DIP2C: variants seen among roughly 807,000 people sequenced by gnomAD.
DIP2C encodes DIP2 acetate--CoA ligase C (putative), also known as disco-interacting protein 2 homolog C.
In DIP2C, 33 loss-of-function variants were observed where a neutral mutation model predicts 192.4. That is an observed-to-expected ratio of 0.17 (90% CI 0.13 to 0.23). DIP2C has a LOEUF of 0.23. Ranked by LOEUF, DIP2C falls within the 10% of genes least tolerant of loss-of-function variation. The pLI, the probability that DIP2C is intolerant of heterozygous loss-of-function variation, is 1.00. For missense variants in DIP2C, 1,537 were observed against 2,110.1 expected, an observed-to-expected ratio of 0.73 and a Z score of 5.32; for synonymous variants, 979 against 864.1, an observed-to-expected ratio of 1.13 and a Z score of -2.33.
At chr10:455,324 G>GTGGCCC (rs1564733616) in intron 3 of DIP2C, among the ~76,000 whole-genome samples, 3 of 141,762 alleles carry the variant, frequency 2.1e-5, no homozygotes, top group Non-Finnish European at 1.6e-5. Flanking sequence ...TGCCTGAGGG[G>GTGGCCC]AGACCGTGAG....
At chr10:570,309 C>T (rs1026361647) in intron 1 of DIP2C, among the ~76,000 whole-genome samples, 2 of 152,136 alleles carry the variant, frequency 1.3e-5, no homozygotes, top group Admixed American at 1.3e-4. Flanking sequence ...GATCAGGAAA[C>T]AGTTTTAAAG....
At chr10:450,157 GAC>G (rs568367579) in intron 3 of DIP2C, among the ~76,000 whole-genome samples, 277 of 152,262 alleles carry the variant, frequency 1.8e-3, no homozygotes, top group African/African-American at 5.9e-3. Flanking sequence ...ATGTGGACCC[GAC>G]ACAAGAGAGG....
intron 1 of DIP2C, among the ~76,000 whole-genome samples, chr10:617,563 A>T (rs1344713380): frequency 2.0e-5 from 3 of 150,652 alleles, no homozygotes; most frequent in Non-Finnish European, 3.0e-5. Context: ...CTCTATTCCC[A>T]CTCCACCCAC....
rs150271184 is a variant in DIP2C at position 629,097 on chromosome 10, G to A, written c.85+60397C>T. Among the ~76,000 whole-genome samples the A allele has an allele frequency of 4.5e-3, 686 of 152,344 alleles. 10 individuals carry two copies. Among genetic ancestry groups the A allele is most frequent in the African/African-American group, 0.015 (626 of 41,576 alleles). Reference sequence around the variant, plus strand: ...TGCCGAGGCCAGTGGGGCACTCGCTGTCTGGGTCTAAGAAAAAGAAAATAA... The same window carrying A: ...TGCCGAGGCCAGTGGGGCACTCGCTATCTGGGTCTAAGAAAAAGAAAATAA... On this transcript the variant is annotated intron_variant, in intron 1 of 36. Coordinates refer to ENST00000280886, the MANE Select transcript of DIP2C (RefSeq NM_014974.3).
intron 1 of DIP2C, among the ~76,000 whole-genome samples, chr10:681,419 C>A (rs1002832607): frequency 2.0e-5 from 3 of 151,214 alleles, no homozygotes; most frequent in Non-Finnish European, 2.9e-5. Context: ...GGAATGCAGA[C>A]CCTCAGTCAC....
intron 1 of DIP2C, among the ~76,000 whole-genome samples, chr10:564,521 C>A (rs558071778): frequency 6.6e-6 from 1 of 152,174 alleles, no homozygotes; most frequent in Non-Finnish European, 1.5e-5. Flanking sequence ...GAGGGCCAAG[C>A]GCAGCAGAGC....
At chr10:304,455 A>C (rs1353181451) in intron 32 of DIP2C, among the ~76,000 whole-genome samples, 2 of 152,188 alleles carry the variant, frequency 1.3e-5, no homozygotes, top group African/African-American at 4.8e-5. Flanking sequence ...CAGTCTGCTA[A>C]GACCACAGGC....
At chr10:555,837 C>G (rs1456070310) in intron 1 of DIP2C, among the ~76,000 whole-genome samples, 4 of 152,122 alleles carry the variant, frequency 2.6e-5, no homozygotes, top group Admixed American at 2.0e-4. Context: ...CTCCGTTCCA[C>G]CCCCACGGGA....
chr10:543,087 G>A (rs61831031), intron 1 of DIP2C, among the ~76,000 whole-genome samples: 4,757 of 152,082 alleles, frequency 0.031, 145 homozygotes, highest in African/African-American at 0.074. Context: ...CAACACATGC[G>A]GCTCTGGCAG....
intron 24 of DIP2C, among the ~76,000 whole-genome samples, chr10:352,035 G>A (rs2132650925): frequency 1.3e-5 from 2 of 152,352 alleles, no homozygotes; most frequent in South Asian, 2.1e-4. Flanking sequence ...CCCGCTGAGG[G>A]AGGCCCCGAC....
intron 1 of DIP2C, among the ~76,000 whole-genome samples, chr10:546,302 A>T (rs1329531318): frequency 6.6e-6 from 1 of 150,526 alleles, no homozygotes; most frequent in Non-Finnish European, 1.5e-5. Flanking sequence ...AAAGTAACAA[A>T]TTTATTTTAA....
chr10:369,589 G>A lies in DIP2C; in HGVS notation c.2036C>T (p.Ser679Phe). Residue 679 changes from serine (S) to phenylalanine (F), a missense_variant, in exon 18 of 37, where the codon TCC (serine) becomes TTC (phenylalanine). Coordinates refer to ENST00000280886, the MANE Select transcript of DIP2C (RefSeq NM_014974.3). The part of the protein sequence containing the change: ...SNQPPGRGVL[S>F]MHGLTYGVIR... Reference sequence around the variant, plus strand: ...GACCCCATAGGTCAGTCCATGCATGGAGAGGACACCCCGGCCCGGGGGCTG... The same window carrying A: ...GACCCCATAGGTCAGTCCATGCATGAAGAGGACACCCCGGCCCGGGGGCTG... The A allele has an allele frequency of 6.2e-7, 1 of 1,613,472 alleles. No individual in the cohort carries two copies. The highest frequency in any genetic ancestry group is 8.5e-7 in the Non-Finnish European group (1 of 1,179,698).
chr10:408,250 T>C (rs1309173009), intron 9 of DIP2C, among the ~76,000 whole-genome samples: 12 of 150,444 alleles, frequency 8.0e-5, no homozygotes, highest in Non-Finnish European at 5.9e-5. Context: ...CACTTATCCA[T>C]ATACATGAGG....
At chr10:619,428 T>TA (rs1236755899) in intron 1 of DIP2C, among the ~76,000 whole-genome samples, 1 of 150,874 alleles carries the variant, frequency 6.6e-6, no homozygotes, top group African/African-American at 2.4e-5. Flanking sequence ...CTGGTCCTTA[T>TA]GGCACCCACC....
chr10:484,834 C>A, intron 2 of DIP2C: 1 of 1,611,174 alleles, frequency 6.2e-7, no homozygotes, highest in Non-Finnish European at 8.5e-7. Flanking sequence ...CACCCGCTCC[C>A]GAGCCGCAGC....
At chr10:673,851 G>C (rs1830758192) in intron 1 of DIP2C, among the ~76,000 whole-genome samples, 1 of 152,178 alleles carries the variant, frequency 6.6e-6, no homozygotes, top group African/African-American at 2.4e-5. Flanking sequence ...GGGCGAAACA[G>C]AAAATGAGGC....
chr10:674,499 G>T (rs1830787789), intron 1 of DIP2C, among the ~76,000 whole-genome samples: 1 of 151,994 alleles, frequency 6.6e-6, no homozygotes, highest in African/African-American at 2.4e-5. Flanking sequence ...GCGGGGTGCA[G>T]TGCCTCACAC....
At chr10:640,314 C>T (rs1855100923) in intron 1 of DIP2C, among the ~76,000 whole-genome samples, 2 of 152,248 alleles carry the variant, frequency 1.3e-5, no homozygotes, top group Non-Finnish European at 2.9e-5. Context: ...TGGGGTCACA[C>T]GGCAGATGGC....
At chr10:440,348 G>A (rs998627318) in intron 4 of DIP2C, among the ~76,000 whole-genome samples, 25 of 152,320 alleles carry the variant, frequency 1.6e-4, no homozygotes, top group Admixed American at 3.3e-4. Flanking sequence ...CACTCCAAGG[G>A]CAGAGTTGAG....
Sources: allele counts gnomAD v4.1 joint callset (sites outside exome capture counted in the v4.1 genomes callset), GRCh38; gene constraint gnomAD v4.1.1; transcripts MANE v1.5; gene names NCBI Gene and HGNC (gene_info 2026-07-23, HGNC 2026-07-21).